The following CSMD1 variants were observed in gnomAD, a reference collection of about 807,000 sequenced individuals.
CSMD1 encodes the protein CUB and Sushi multiple domains 1, also known as CUB and sushi domain-containing protein 1.
In CSMD1, 213 loss-of-function variants were observed where a neutral mutation model predicts 417.5. The observed-to-expected ratio is 0.51, with a 90% confidence interval of 0.46 to 0.57. CSMD1 has a LOEUF of 0.57. Ranked by LOEUF, CSMD1 falls within the 20% of genes least tolerant of loss-of-function variation. The pLI is 0.00. For synonymous variants in CSMD1, 2,862 were observed against 1,736.8 expected (o/e 1.65, Z -16.11); for missense variants, 6,923 against 4,529.7 (o/e 1.53, Z -15.17).
chr8:4,680,386 C>G (rs1386071588), intron 1 of CSMD1, among the ~76,000 whole-genome samples: 2 of 152,168 alleles, frequency 1.3e-5, no homozygotes, highest in East Asian at 3.9e-4. Flanking sequence ...CTGTTCAATA[C>G]AAGTGCACTT....
chr8:3,539,456 G>C (rs1427751535), intron 10 of CSMD1, among the ~76,000 whole-genome samples: 1 of 152,134 alleles, frequency 6.6e-6, no homozygotes, highest in African/African-American at 2.4e-5. Context: ...GGGTTTATGT[G>C]TGTTCTAATC....
At chr8:4,195,443 C>T (rs758843999) in intron 3 of CSMD1, among the ~76,000 whole-genome samples, 5 of 152,090 alleles carry the variant, frequency 3.3e-5, no homozygotes, top group Admixed American at 2.0e-4. Flanking sequence ...TTAAAAAAGA[C>T]GAGTGTGGCA....
chr8:4,936,675 G>C (rs571186926), intron 1 of CSMD1, among the ~76,000 whole-genome samples: 52 of 152,260 alleles, frequency 3.4e-4, no homozygotes, highest in African/African-American at 1.2e-3. Context: ...ATTAACCATT[G>C]TCTATGACTA....
At chr8:4,606,340 C>G (rs1376307722) in intron 2 of CSMD1, among the ~76,000 whole-genome samples, 1 of 151,280 alleles carries the variant, frequency 6.6e-6, no homozygotes, top group Non-Finnish European at 1.5e-5. Flanking sequence ...AGAAAACAGT[C>G]AAGGAAACAG....
chr8:3,861,524 T>C (rs1311234033), intron 5 of CSMD1, among the ~76,000 whole-genome samples: 2 of 152,150 alleles, frequency 1.3e-5, no homozygotes, highest in Non-Finnish European at 2.9e-5. Flanking sequence ...CTGATGCCTC[T>C]TGGGAGAATT....
At chr8:4,930,611 T>C (rs374356128) in intron 1 of CSMD1, among the ~76,000 whole-genome samples, 1 of 152,190 alleles carries the variant, frequency 6.6e-6, no homozygotes, top group African/African-American at 2.4e-5. Context: ...CAATTACATT[T>C]ATCACCTGTC....
chr8:3,322,630 T>G (rs1036414081), intron 23 of CSMD1, among the ~76,000 whole-genome samples: 3 of 152,148 alleles, frequency 2.0e-5, no homozygotes, highest in Non-Finnish European at 4.4e-5. Context: ...TGACCAAAGT[T>G]GTAGGGACGC....
At chr8:4,155,041 G>A (rs1173217555) in intron 3 of CSMD1, among the ~76,000 whole-genome samples, 1 of 152,174 alleles carries the variant, frequency 6.6e-6, no homozygotes, top group African/African-American at 2.4e-5. Context: ...ACCTAACACT[G>A]CTGCAGAATT....
chr8:3,821,520 C>G (rs999770366), intron 5 of CSMD1, among the ~76,000 whole-genome samples: 3 of 152,086 alleles, frequency 2.0e-5, no homozygotes, highest in Non-Finnish European at 4.4e-5. Flanking sequence ...CGGTGGCTCA[C>G]GCCTGTAATC....
At chr8:4,756,950 C>G (rs1396674648) in intron 1 of CSMD1, among the ~76,000 whole-genome samples, 3 of 152,184 alleles carry the variant, frequency 2.0e-5, no homozygotes, top group Non-Finnish European at 4.4e-5. Context: ...TAAAAGAAAC[C>G]TGTTCAAACA....
At chr8:2,979,006 C>T (rs191188005) in intron 54 of CSMD1, among the ~76,000 whole-genome samples, 296 of 152,250 alleles carry the variant, frequency 1.9e-3, no homozygotes, top group Non-Finnish European at 3.6e-3. Context: ...TGGTCGACCA[C>T]GATAGCAATT....
At chr8:3,918,813 G>C (rs947855293) in intron 5 of CSMD1, among the ~76,000 whole-genome samples, 1 of 152,076 alleles carries the variant, frequency 6.6e-6, no homozygotes, top group Non-Finnish European at 1.5e-5. Context: ...ATTCATAAAT[G>C]GGAGCCAAAC....
chr8:3,901,926 G>A (rs1563193568), intron 5 of CSMD1, among the ~76,000 whole-genome samples: 2 of 152,162 alleles, frequency 1.3e-5, no homozygotes, highest in Non-Finnish European at 2.9e-5. Context: ...GTGTGACTAT[G>A]AACAAGAGGA....
chr8:3,491,710 A>G (rs1292863784), intron 11 of CSMD1, among the ~76,000 whole-genome samples: 1 of 152,196 alleles, frequency 6.6e-6, no homozygotes, highest in Non-Finnish European at 1.5e-5. Context: ...GAATTATCTC[A>G]TAAGTAATCA....
intron 41 of CSMD1, among the ~76,000 whole-genome samples, chr8:3,138,194 C>G (rs972239042): frequency 2.0e-5 from 3 of 152,150 alleles, no homozygotes; most frequent in Non-Finnish European, 2.9e-5. Context: ...CCACTGCACT[C>G]CAGCCTGGAC....
chr8:3,967,776 A>T (rs1812783018), intron 5 of CSMD1, among the ~76,000 whole-genome samples: 1 of 152,100 alleles, frequency 6.6e-6, no homozygotes, highest in African/African-American at 2.4e-5. Context: ...CGTGTGAACT[A>T]ACTACCTTAA....
intron 48 of CSMD1, among the ~76,000 whole-genome samples, chr8:3,088,849 A>C (rs1814724091): frequency 6.6e-6 from 1 of 151,436 alleles, no homozygotes. Context: ...CTAGTAAAAA[A>C]AAAAAAAAAA....
chr8:3,902,565 C>G (rs539884947), intron 5 of CSMD1, among the ~76,000 whole-genome samples: 5 of 152,178 alleles, frequency 3.3e-5, no homozygotes, highest in African/African-American at 1.2e-4. Flanking sequence ...CCATTGCATG[C>G]TCAGTTCACA....
At chr8:4,887,032 G>A (rs1217326809) in intron 1 of CSMD1, among the ~76,000 whole-genome samples, 1 of 151,776 alleles carries the variant, frequency 6.6e-6, no homozygotes, top group Non-Finnish European at 1.5e-5. Flanking sequence ...TGTTAATGTT[G>A]ATAATCCATT....
Sources: gnomAD v4.1 joint callset for allele counts (sites outside exome capture counted in the v4.1 genomes callset) on GRCh38, gnomAD v4.1.1 for gene constraint, MANE v1.5 for transcripts, NCBI Gene and HGNC (gene_info 2026-07-23, HGNC 2026-07-21) for gene names.